Variants in PRKAG2 observed in about 807,000 individuals in gnomAD.
PRKAG2 encodes the protein protein kinase AMP-activated non-catalytic subunit gamma 2.
PRKAG2 carries 26 observed loss-of-function variants against 69.6 expected under a neutral mutation model. The ratio of observed to expected loss-of-function variants is 0.37; its 90% CI spans 0.27 to 0.52. The LOEUF (loss-of-function observed/expected upper bound fraction) is 0.52, where lower values mean the gene tolerates loss of function less well. Among genes scored for constraint, PRKAG2 ranks in the 20% least tolerant of loss-of-function variants. PRKAG2 has a pLI of 0.90. For missense variants in PRKAG2, 557 were observed against 740.0 expected (o/e 0.75, Z 2.87); for synonymous variants, 293 against 285.0 (o/e 1.03, Z -0.28).
intron 5 of PRKAG2, among the ~76,000 whole-genome samples, chr7:151,627,438 C>T (rs1041624315): frequency 3.3e-5 from 5 of 152,032 alleles, no homozygotes; most frequent in African/African-American, 1.2e-4. Flanking sequence ...CCAGCCTGGG[C>T]ACCATGGTGA....
chr7:151,828,556 C>T lies in PRKAG2; in HGVS notation c.115-42015G>A, dbSNP rs1475262525. The stretch of plus-strand genomic sequence containing the variant: ...TAGTCTTAGAAGCCTACAAACTGAC[C>T]GTGGCTTTGTCTCATCTCTTCTTCC... On this transcript the variant is annotated intron_variant, in intron 1 of 15. Transcript: ENST00000287878. The surrounding 1 kb of genome is among the most constrained non-coding windows in gnomAD (Gnocchi z 4.6). 6.6e-6 allele frequency among the ~76,000 whole-genome samples: 1 copy of T among 152,104 alleles called. No individual in the cohort carries two copies. Among genetic ancestry groups the T allele is most frequent in the African/African-American group, 2.4e-5 (1 of 41,400 alleles).
At chr7:151,754,159 AG>A (rs2074906238) in intron 3 of PRKAG2, among the ~76,000 whole-genome samples, 1 of 152,234 alleles carries the variant, frequency 6.6e-6, no homozygotes, top group Admixed American at 6.5e-5. Context: ...GCTGAGGGCA[AG>A]GAGATTCTTC....
chr7:151,634,550 A>G (rs1585390746), intron 4 of PRKAG2, among the ~76,000 whole-genome samples: 1 of 152,246 alleles, frequency 6.6e-6, no homozygotes, highest in Non-Finnish European at 1.5e-5. Context: ...TGCAAATCAC[A>G]TAGCCAACAA....
At chr7:151,557,278 CA>C in intron 15 of PRKAG2, 46 bp from the exon 16 acceptor site, 1 of 1,613,776 alleles carries the variant, frequency 6.2e-7, no homozygotes, top group Non-Finnish European at 8.5e-7. Context: ...ATGGTAACAG[CA>C]GGGTTCTCTA....
At chr7:151,767,514 C>T (rs2075797713) in intron 3 of PRKAG2, among the ~76,000 whole-genome samples, 1 of 152,252 alleles carries the variant, frequency 6.6e-6, no homozygotes, top group South Asian at 2.1e-4. Flanking sequence ...TGGCCTCAAA[C>T]TCCTGACCTC....
chr7:151,564,302 A>G, intron 13 of PRKAG2, 78 bp from the exon 14 acceptor site: 1 of 1,514,552 alleles, frequency 6.6e-7, no homozygotes, highest in Non-Finnish European at 9.1e-7. Context: ...AGCTTAAGAG[A>G]GCCTGATTTC....
chr7:151,775,891 G>A (rs2076319569), intron 3 of PRKAG2, among the ~76,000 whole-genome samples: 1 of 152,226 alleles, frequency 6.6e-6, no homozygotes, highest in Non-Finnish European at 1.5e-5. Flanking sequence ...TAGTTCTAGG[G>A]CAGTGGGGGA....
At chr7:151,745,290 T>C (rs2074205196) in intron 3 of PRKAG2, among the ~76,000 whole-genome samples, 1 of 152,204 alleles carries the variant, frequency 6.6e-6, no homozygotes, top group African/African-American at 2.4e-5. Context: ...CAACACGCCT[T>C]AGCACATATT....
chr7:151,790,514 C>G (rs2077222932), intron 1 of PRKAG2: 1 of 152,240 alleles, frequency 6.6e-6, no homozygotes, highest in Non-Finnish European at 1.5e-5. Context: ...CTATTCTTGG[C>G]CTCATACTGT....
chr7:151,744,899 A>G (rs926248669), intron 3 of PRKAG2, among the ~76,000 whole-genome samples: 2 of 152,164 alleles, frequency 1.3e-5, no homozygotes, highest in African/African-American at 2.4e-5. Context: ...AGTTTCCTAC[A>G]TTCTTCTCAA....
intron 4 of PRKAG2, among the ~76,000 whole-genome samples, chr7:151,655,826 A>G (rs1193215249): frequency 6.6e-6 from 1 of 152,208 alleles, no homozygotes; most frequent in Non-Finnish European, 1.5e-5. Flanking sequence ...GACAGCACTT[A>G]TAAGAGTGCC....
chr7:151,582,351 T>C (rs73156296), intron 6 of PRKAG2, among the ~76,000 whole-genome samples: 22,068 of 151,976 alleles, frequency 0.15, 1,731 homozygotes, highest in East Asian at 0.27. Flanking sequence ...CAGGGTCCGG[T>C]TATGTTGCCC....
In PRKAG2 at chr7:151,728,192, A is replaced by G. The variant is rs548257268; in HGVS notation, c.467-52555T>C. Among the ~76,000 whole-genome samples, 117 of 152,290 alleles carry G rather than the reference A, an allele frequency of 7.7e-4. 7 individuals are homozygous for G. The South Asian group carries it at 0.023, about 30-fold the overall frequency. ...AGTCCCCAGGGCCCCAAGAACACAC[A>G]GCAGCACCAGAGACTGCCTTGGCCC... On this transcript the variant is annotated intron_variant, in intron 3 of 15. Transcript: ENST00000287878.
At chr7:151,844,043 T>A (rs1323375374) in intron 1 of PRKAG2, among the ~76,000 whole-genome samples, 1 of 151,846 alleles carries the variant, frequency 6.6e-6, no homozygotes, top group Non-Finnish European at 1.5e-5. Flanking sequence ...TAGAAGGAGG[T>A]AGAAGGAGGA....
intron 1 of PRKAG2, among the ~76,000 whole-genome samples, chr7:151,827,745 TAAAAAAAAAAAAAA>T (rs55685618): frequency 5.9e-4 from 31 of 52,260 alleles, no homozygotes; most frequent in African/African-American, 2.2e-3. Flanking sequence ...TGGCCTTAGG[TAAAAAAAAAAAAAA>T]AAAAAAAAAA....
At chr7:151,668,806 C>T (rs758922940) in intron 4 of PRKAG2, among the ~76,000 whole-genome samples, 8 of 152,200 alleles carry the variant, frequency 5.3e-5, no homozygotes, top group East Asian at 1.9e-4. Context: ...AGGTTCCTTC[C>T]GAGAGCACTC....
At chr7:151,775,558 C>G (rs1048062872) in intron 3 of PRKAG2, among the ~76,000 whole-genome samples, 1 of 152,206 alleles carries the variant, frequency 6.6e-6, no homozygotes, top group African/African-American at 2.4e-5. Context: ...GGGACGAAAA[C>G]TGGATTCAGA....
At chr7:151,594,806 TC>T (rs1290108083) in intron 6 of PRKAG2, among the ~76,000 whole-genome samples, 2 of 150,928 alleles carry the variant, frequency 1.3e-5, no homozygotes, top group African/African-American at 5.0e-5. Flanking sequence ...GCTTTCTTTT[TC>T]TTTTTTTTTT....
At chr7:151,815,815 C>T (rs995746234) in intron 1 of PRKAG2, among the ~76,000 whole-genome samples, 7 of 152,188 alleles carry the variant, frequency 4.6e-5, no homozygotes, top group Non-Finnish European at 5.9e-5. Context: ...AGAACCCCGC[C>T]GTGTCCCTCA....
Sources: allele counts gnomAD v4.1 joint callset (sites outside exome capture counted in the v4.1 genomes callset), GRCh38; gene constraint gnomAD v4.1.1; non-coding constraint Gnocchi (gnomAD v3.1); transcripts MANE v1.5; gene names NCBI Gene and HGNC (gene_info 2026-07-23, HGNC 2026-07-21).